The following NTM variants were observed in gnomAD, a reference collection of about 807,000 sequenced individuals.
NTM encodes neurotrimin.
NTM carries 13 observed loss-of-function variants against 42.1 expected under a neutral mutation model. The ratio of observed to expected loss-of-function variants is 0.31; its 90% confidence interval spans 0.20 to 0.49. The LOEUF (loss-of-function observed/expected upper bound fraction) is 0.49, where lower values mean the gene tolerates loss of function less well. Ranked by LOEUF, NTM falls within the 20% of genes least tolerant of loss-of-function variation. NTM has a pLI of 0.99. For missense variants in NTM, 373 were observed against 452.8 expected (o/e 0.82, Z 1.60); for synonymous variants, 187 against 179.2 (o/e 1.04, Z -0.35).
At chr11:131,561,159 C>T (rs992328852) in intron 1 of NTM, among the ~76,000 whole-genome samples, 5 of 152,178 alleles carry the variant, frequency 3.3e-5, no homozygotes, top group Admixed American at 6.5e-5. Context: ...CAGCATTTGG[C>T]GCTTCCATTC....
chr11:131,819,938 C>A (rs1056709909), intron 1 of NTM, among the ~76,000 whole-genome samples: 2 of 152,200 alleles, frequency 1.3e-5, no homozygotes, highest in African/African-American at 4.8e-5. Flanking sequence ...TAATTGATTT[C>A]GGTCTGTTCC....
At chr11:132,131,311 A>G (rs1158020450) in intron 2 of NTM, among the ~76,000 whole-genome samples, 1 of 152,216 alleles carries the variant, frequency 6.6e-6, no homozygotes, top group Non-Finnish European at 1.5e-5. Context: ...TTTAGGACAG[A>G]TGCCTGCTGC....
intron 1 of NTM, among the ~76,000 whole-genome samples, chr11:131,658,071 G>A (rs1370856588): frequency 6.6e-6 from 1 of 152,128 alleles, no homozygotes; most frequent in East Asian, 1.9e-4. Flanking sequence ...ATAATCGTGG[G>A]ACAACATGGT....
intron 2 of NTM, among the ~76,000 whole-genome samples, chr11:131,925,014 G>A (rs997216110): frequency 6.6e-6 from 1 of 152,162 alleles, no homozygotes; most frequent in Non-Finnish European, 1.5e-5. Flanking sequence ...TCAAATGTTT[G>A]ATTTTCAGTT....
chr11:131,525,390 G>C (rs1405565251), intron 1 of NTM, among the ~76,000 whole-genome samples: 1 of 152,210 alleles, frequency 6.6e-6, no homozygotes, highest in Non-Finnish European at 1.5e-5. Context: ...TTGCCATAAA[G>C]GGTTTGCAGG....
At chr11:131,871,686 T>C (rs969982252) in intron 1 of NTM, among the ~76,000 whole-genome samples, 1 of 152,206 alleles carries the variant, frequency 6.6e-6, no homozygotes, top group Non-Finnish European at 1.5e-5. Context: ...GGAGAGAGGA[T>C]TGCACCTGTT....
chr11:131,873,442 TG>T (rs1457861329), intron 1 of NTM, among the ~76,000 whole-genome samples: 6 of 151,340 alleles, frequency 4.0e-5, no homozygotes, highest in African/African-American at 7.3e-5. Flanking sequence ...GATGGGTTGA[TG>T]GGTGCAGCAA....
intron 1 of NTM, among the ~76,000 whole-genome samples, chr11:131,706,804 CAT>C (rs961517085): frequency 6.6e-6 from 1 of 151,828 alleles, no homozygotes; most frequent in Non-Finnish European, 1.5e-5. Context: ...GAAAACATAA[CAT>C]ACCAAAACAC....
intron 2 of NTM, among the ~76,000 whole-genome samples, chr11:132,028,243 TG>T (rs1477811206): frequency 4.8e-5 from 7 of 145,106 alleles, no homozygotes; most frequent in African/African-American, 1.3e-4. Context: ...TTCTTCCAGC[TG>T]GTTTTTTTTT....
chr11:131,459,572 A>G (rs1366357451), intron 1 of NTM, among the ~76,000 whole-genome samples: 1 of 152,236 alleles, frequency 6.6e-6, no homozygotes, highest in Non-Finnish European at 1.5e-5. Flanking sequence ...GGAAACAAGC[A>G]TTGATTCACT....
At chr11:131,903,505 C>T (rs529827708) in intron 1 of NTM, among the ~76,000 whole-genome samples, 21 of 152,298 alleles carry the variant, frequency 1.4e-4, no homozygotes, top group African/African-American at 3.1e-4. Flanking sequence ...TTGACTCTTC[C>T]GTCGCTTGCC....
At chr11:131,492,566 G>A (rs1236686475) in intron 1 of NTM, among the ~76,000 whole-genome samples, 6 of 152,180 alleles carry the variant, frequency 3.9e-5, no homozygotes, top group Non-Finnish European at 7.3e-5. Context: ...TCCTGCACAA[G>A]CAGCCATGGC....
At chr11:132,139,202 G>A (rs2137214150) in intron 2 of NTM, among the ~76,000 whole-genome samples, 1 of 152,258 alleles carries the variant, frequency 6.6e-6, no homozygotes, top group South Asian at 2.1e-4. Context: ...GTCACCTAGG[G>A]GAAAAAGGCT....
chr11:131,883,398 C>T (rs1347670884), intron 1 of NTM, among the ~76,000 whole-genome samples: 1 of 152,152 alleles, frequency 6.6e-6, no homozygotes, highest in Non-Finnish European at 1.5e-5. Context: ...CCTCTTCTCT[C>T]TCAAGGCATC....
At chr11:132,229,639 G>A (rs1417528792) in intron 4 of NTM, among the ~76,000 whole-genome samples, 3 of 152,186 alleles carry the variant, frequency 2.0e-5, no homozygotes, top group African/African-American at 7.2e-5. Context: ...AAGGAAAGTT[G>A]ACGTCTAAAC....
chr11:131,497,478 T>C (rs1955472101), intron 1 of NTM, among the ~76,000 whole-genome samples: 2 of 151,132 alleles, frequency 1.3e-5, no homozygotes, highest in South Asian at 2.1e-4. Flanking sequence ...TGAGCCACCG[T>C]GCCTAGCCCA....
chr11:131,630,115 A>G (rs2063506230), intron 1 of NTM, among the ~76,000 whole-genome samples: 1 of 152,184 alleles, frequency 6.6e-6, no homozygotes, highest in Non-Finnish European at 1.5e-5. Context: ...CCCTCCTGCT[A>G]GCTGGAGCTT....
At chr11:131,404,377 C>T (rs746636792) in intron 1 of NTM, among the ~76,000 whole-genome samples, 19 of 152,184 alleles carry the variant, frequency 1.2e-4, no homozygotes, top group Admixed American at 8.5e-4. Flanking sequence ...TCCCTGGCAT[C>T]GCGCCGTCCT....
intron 1 of NTM, among the ~76,000 whole-genome samples, chr11:131,421,610 C>T (rs974142684): frequency 4.6e-5 from 7 of 152,148 alleles, no homozygotes; most frequent in Admixed American, 3.9e-4. Flanking sequence ...GAGGAGATGA[C>T]GGGGAGGTGA....
Sources: allele counts gnomAD v4.1 joint callset (sites outside exome capture counted in the v4.1 genomes callset), GRCh38; gene constraint gnomAD v4.1.1; transcripts MANE v1.5; gene names NCBI Gene and HGNC (gene_info 2026-07-23, HGNC 2026-07-21).